KCNQ5: variants seen among roughly 807,000 people sequenced by gnomAD.
KCNQ5 encodes potassium voltage-gated channel subfamily KQT member 5.
Under a neutral mutation model 98.2 loss-of-function variants are expected in KCNQ5, and 30 were observed. That is an observed-to-expected ratio of 0.31 (90% confidence interval 0.23 to 0.41). The LOEUF is 0.41. Among genes scored for constraint, KCNQ5 ranks in the 10% least tolerant of loss-of-function variants. The probability of loss-of-function intolerance (pLI) is 1.00; values close to 1 mark genes in which losing one functional copy is unlikely to be tolerated. For synonymous variants in KCNQ5, 458 were observed against 449.4 expected (o/e 1.02, Z -0.24); for missense variants, 835 against 1,182.5 (o/e 0.71, Z 4.31).
At chr6:72,838,497 A>C (rs1201263860) in intron 1 of KCNQ5, among the ~76,000 whole-genome samples, 1 of 152,196 alleles carries the variant, frequency 6.6e-6, no homozygotes, top group East Asian at 1.9e-4. Context: ...TTCATGAATT[A>C]TGTTTATATA....
chr6:73,130,781 G>C (rs572050779), intron 9 of KCNQ5, among the ~76,000 whole-genome samples: 6 of 152,230 alleles, frequency 3.9e-5, no homozygotes, highest in Non-Finnish European at 7.4e-5. Context: ...TTTTGTAAGA[G>C]GACACAAGAA....
intron 1 of KCNQ5, among the ~76,000 whole-genome samples, chr6:72,938,238 G>A (rs72945327): frequency 0.01 from 1,535 of 152,232 alleles, 13 homozygotes; most frequent in Middle Eastern, 0.017. Context: ...TAGATTCATG[G>A]TTGCCTAAGC....
chr6:72,663,178 C>G (rs1335062218), intron 1 of KCNQ5, among the ~76,000 whole-genome samples: 2 of 152,008 alleles, frequency 1.3e-5, no homozygotes, highest in African/African-American at 2.4e-5. Context: ...AGTAGAAATA[C>G]CTAATGTAGG....
intron 1 of KCNQ5, among the ~76,000 whole-genome samples, chr6:72,746,142 C>T (rs1415137372): frequency 7.3e-6 from 1 of 137,022 alleles, no homozygotes; most frequent in Non-Finnish European, 1.6e-5. Context: ...AGGACTTCAA[C>T]ATTTCTTTAT....
At chr6:72,635,642 T>C (rs1244461973) in intron 1 of KCNQ5, among the ~76,000 whole-genome samples, 2 of 151,642 alleles carry the variant, frequency 1.3e-5, no homozygotes, top group Non-Finnish European at 2.9e-5. Flanking sequence ...GGTCTTATTG[T>C]ATTTTTCTTC....
chr6:73,120,378 G>A, intron 7 of KCNQ5, 105 bp from the exon 8 acceptor site: 3 of 767,606 alleles, frequency 3.9e-6, no homozygotes, highest in Non-Finnish European at 6.0e-6. Context: ...AGTATAAGAG[G>A]CAAAAGATTC....
intron 1 of KCNQ5, among the ~76,000 whole-genome samples, chr6:72,811,462 C>A (rs1775237148): frequency 6.6e-6 from 1 of 151,976 alleles, no homozygotes; most frequent in South Asian, 2.1e-4. Flanking sequence ...AATTATTTTT[C>A]TGTTTGTGGA....
intron 1 of KCNQ5, among the ~76,000 whole-genome samples, chr6:72,958,526 G>A (rs1767192067): frequency 6.6e-6 from 1 of 152,124 alleles, no homozygotes; most frequent in African/African-American, 2.4e-5. Flanking sequence ...CTCACTTTAA[G>A]TGTCTATCTG....
chr6:72,669,421 G>A lies in KCNQ5; in HGVS notation c.398+46834G>A, dbSNP rs111846053. ...TGGCTTGAATAATCCTCTTTGCCTT[G>A]AATAATCCTCATTGACTTTCCAGGC... On this transcript the variant is annotated intron_variant, in intron 1 of 13. Transcript: ENST00000370398. Among the ~76,000 whole-genome samples the A allele has an allele frequency of 9.1e-3, 1,392 of 152,276 alleles. 7 individuals are homozygous for A. The highest frequency in any genetic ancestry group is 0.014 in the Non-Finnish European group (934 of 68,004).
At chr6:73,189,367 G>A (rs1215980833) in intron 11 of KCNQ5, among the ~76,000 whole-genome samples, 1 of 152,200 alleles carries the variant, frequency 6.6e-6, no homozygotes, top group Non-Finnish European at 1.5e-5. Context: ...GAATAATTAG[G>A]ATATAATTAA....
intron 1 of KCNQ5, among the ~76,000 whole-genome samples, chr6:72,967,334 G>A (rs1767667121): frequency 2.0e-5 from 3 of 151,980 alleles, no homozygotes; most frequent in Admixed American, 2.0e-4. Flanking sequence ...TCAGTATAGT[G>A]AAATATAATG....
At chr6:73,132,672 T>C (rs921775914) in intron 9 of KCNQ5, among the ~76,000 whole-genome samples, 1 of 152,228 alleles carries the variant, frequency 6.6e-6, no homozygotes, top group Non-Finnish European at 1.5e-5. Context: ...ACTGAATGCC[T>C]GAACAAATAT....
At chr6:73,163,672 C>T (rs768973759) in intron 10 of KCNQ5, among the ~76,000 whole-genome samples, 2 of 152,108 alleles carry the variant, frequency 1.3e-5, no homozygotes, top group African/African-American at 2.4e-5. Context: ...CGCTTGAACC[C>T]GGGGGGCGGA....
intron 3 of KCNQ5, among the ~76,000 whole-genome samples, chr6:73,057,641 T>C (rs1014061904): frequency 3.3e-5 from 5 of 152,088 alleles, no homozygotes; most frequent in Admixed American, 2.0e-4. Flanking sequence ...TGCTCATGGA[T>C]AGGAAGAAGC....
At chr6:72,840,315 G>A (rs1225867366) in intron 1 of KCNQ5, among the ~76,000 whole-genome samples, 2 of 152,082 alleles carry the variant, frequency 1.3e-5, no homozygotes, top group Non-Finnish European at 2.9e-5. Context: ...TTTATTTTTA[G>A]TATTTTAAAG....
intron 11 of KCNQ5, among the ~76,000 whole-genome samples, chr6:73,174,769 A>G (rs1778151241): frequency 6.6e-6 from 1 of 152,224 alleles, no homozygotes; most frequent in African/African-American, 2.4e-5. Context: ...TGGTAATGGT[A>G]TTGACCTCAT....
intron 1 of KCNQ5, among the ~76,000 whole-genome samples, chr6:72,912,378 C>A (rs1779977275): frequency 6.6e-6 from 1 of 152,182 alleles, no homozygotes; most frequent in Non-Finnish European, 1.5e-5. Context: ...AAGCTTTTCA[C>A]CTTCTTGTTA....
Position 72,622,509 on chromosome 6 carries a change from A to G in KCNQ5, c.320A>G (p.Lys107Arg). ...TSSQSCRRNV[K>R]YRRVQNYLYN... ...AGCCAGAGCTGCCGGCGCAACGTCA[A>G]GTACCGGCGGGTGCAGAACTACCTG... The change falls in exon 1 of 14, where the codon AAG becomes AGG. Residue 107 changes from lysine (K) to arginine (R), a missense_variant. By Grantham distance (26) the Lys-to-Arg change is conservative (BLOSUM62 2). Around this residue, in one of 10 missense-constraint regions of KCNQ5, gnomAD observed 54 missense variants for 51.5 expected, o/e 1.05. Coordinates refer to ENST00000370398, the MANE Select transcript of KCNQ5 (RefSeq NM_019842.4). The surrounding 1 kb of genome is among the most constrained non-coding windows in gnomAD (Gnocchi z 6.0). The G allele has an allele frequency of 6.2e-7, 1 of 1,611,232 alleles. No individual in the cohort carries two copies.
intron 11 of KCNQ5, among the ~76,000 whole-genome samples, chr6:73,176,330 T>G (rs759223240): frequency 6.6e-6 from 1 of 152,204 alleles, no homozygotes; most frequent in Non-Finnish European, 1.5e-5. Flanking sequence ...GCTTCTCTCT[T>G]TCTTCCTGCT....
Sources: allele counts gnomAD v4.1 joint callset (sites outside exome capture counted in the v4.1 genomes callset), GRCh38; gene constraint gnomAD v4.1.1; regional missense constraint gnomAD v4.1.1; non-coding constraint Gnocchi (gnomAD v3.1); transcripts MANE v1.5; gene names NCBI Gene and HGNC (gene_info 2026-07-23, HGNC 2026-07-21).